CD200R1: variants seen among roughly 807,000 people sequenced by gnomAD.
CD200R1 encodes the protein cell surface glycoprotein CD200 receptor 1.
CD200R1 carries 30 observed loss-of-function variants against 38.1 expected under a neutral mutation model. That is an observed-to-expected ratio of 0.79 (90% CI 0.59 to 1.07). The LOEUF (loss-of-function observed/expected upper bound fraction) is 1.07. Ranked by LOEUF, CD200R1 falls within the 50% of genes least tolerant of loss-of-function variation. CD200R1 has a pLI of 0.00. For synonymous variants in CD200R1, 128 were observed against 152.1 expected, an observed-to-expected ratio of 0.84 and a Z score of 1.16; for missense variants, 372 against 415.4, an observed-to-expected ratio of 0.90 and a Z score of 0.91.
intron 1 of CD200R1, among the ~76,000 whole-genome samples, chr3:112,963,239 C>A (rs566501169): frequency 1.3e-5 from 2 of 152,204 alleles, no homozygotes; most frequent in South Asian, 2.1e-4. Context: ...CAAATTGGTA[C>A]CAGAAGAGTG....
In CD200R1 at chr3:112,974,793, GC is replaced by G. The variant is rs778465315; in HGVS notation, c.64del (p.Ala22ProfsTer13). 3.7e-6 allele frequency: 6 copies of G among 1,602,706 alleles called. No individual in the cohort carries two copies. The highest frequency in any genetic ancestry group is 5.1e-6 in the Non-Finnish European group (6 of 1,169,862). ...TCCCAAAGAGAATTCAAACTTACCG[GC>G]CACTAAGAAGATAGTCAAAATCAAC... Reference protein sequence around the residue: ...LLLILTIFLVAEAEGAAQPNN... With the variant: ...LLLILTIFLVXEAEGAAQPNN... On this transcript the variant is annotated frameshift_variant, in exon 1 of 8. Transcript: ENST00000308611. LOFTEE classifies it high-confidence loss of function.
At chr3:112,929,635 C>A (rs572501746) in intron 3 of CD200R1, 128 bp from the exon 4 acceptor site, 3 of 830,980 alleles carry the variant, frequency 3.6e-6, no homozygotes, top group East Asian at 2.8e-5. Context: ...AAATATTAGA[C>A]CTTCATAAAA....
At chr3:112,972,618 A>C (rs1000521311) in intron 1 of CD200R1, among the ~76,000 whole-genome samples, 8 of 152,174 alleles carry the variant, frequency 5.3e-5, no homozygotes, top group African/African-American at 1.9e-4. Flanking sequence ...AAGGCTGGGA[A>C]TATAGCTCTG....
intron 2 of CD200R1, among the ~76,000 whole-genome samples, chr3:112,933,305 C>A (rs1426698256): frequency 6.6e-6 from 1 of 152,158 alleles, no homozygotes; most frequent in East Asian, 1.9e-4. Context: ...CCCATAGTCC[C>A]AAACCCAGCA....
At chr3:112,963,298 T>C (rs7612243) in intron 1 of CD200R1, among the ~76,000 whole-genome samples, 77 of 152,222 alleles carry the variant, frequency 5.1e-4, no homozygotes, top group African/African-American at 1.7e-3. Context: ...CTTTGGAGGG[T>C]AGCAGGTAGA....
chr3:112,929,322 A>G lies in CD200R1; in HGVS notation c.388T>C (p.Trp130Arg). The G allele has an allele frequency of 1.9e-6, 3 of 1,614,164 alleles. No individual in the cohort carries two copies. Among genetic ancestry groups the G allele is most frequent in the Non-Finnish European group, 2.5e-6 (3 of 1,179,990 alleles). Residue 130 changes from tryptophan to arginine, a missense_variant, in exon 4 of 8, where the codon TGG (tryptophan) becomes CGG (arginine). Physicochemically the swap from Trp to Arg is moderately radical, Grantham distance 101 (BLOSUM62 -3). Coordinates refer to ENST00000308611, the MANE Select transcript of CD200R1 (RefSeq NM_138806.4). ...GAATTCTGATCAGGTCTGGAGACCC[A>G]GGTTATTCTCTCATCAGTACAGTTG... is the stretch of plus-strand genomic sequence containing the variant. The part of the protein sequence containing the change: ...ETNCTDERIT[W>R]VSRPDQNSDL...
At chr3:112,939,256 T>C (rs1940660223) in intron 2 of CD200R1, among the ~76,000 whole-genome samples, 1 of 151,974 alleles carries the variant, frequency 6.6e-6, no homozygotes. Flanking sequence ...TTCAAGATAG[T>C]ACTGGAAGTC....
intron 1 of CD200R1, among the ~76,000 whole-genome samples, chr3:112,960,986 GA>G (rs1224758465): frequency 6.6e-6 from 1 of 151,974 alleles, no homozygotes; most frequent in East Asian, 1.9e-4. Flanking sequence ...GACACTTTAT[GA>G]AACTGATTTT....
rs550315466 is a variant in CD200R1 at position 112,962,268 on chromosome 3, G to A, written c.67+12523C>T. On this transcript the variant is annotated intron_variant, in intron 1 of 7. Coordinates refer to ENST00000308611, the MANE Select transcript of CD200R1 (RefSeq NM_138806.4). Reference sequence around the variant, plus strand: ...CAAACATGTTCCCTAACCTAAGGCAGATGTTGTGTAAATGTGTATCACTGA... The same window carrying A: ...CAAACATGTTCCCTAACCTAAGGCAAATGTTGTGTAAATGTGTATCACTGA... 5.9e-5 allele frequency among the ~76,000 whole-genome samples: 9 copies of A among 152,238 alleles called. No individual in the cohort carries two copies. In the East Asian group the frequency reaches 1.7e-3, roughly 29 times the overall value.
At chr3:112,947,347 G>T (rs1018127654) in intron 2 of CD200R1, among the ~76,000 whole-genome samples, 8 of 152,090 alleles carry the variant, frequency 5.3e-5, no homozygotes, top group Non-Finnish European at 1.2e-4. Flanking sequence ...CTCTAGTCAG[G>T]TATGTTGATA....
chr3:112,931,790 T>G (rs1940447234), intron 2 of CD200R1, among the ~76,000 whole-genome samples: 1 of 151,990 alleles, frequency 6.6e-6, no homozygotes, highest in African/African-American at 2.4e-5. Context: ...CAGCTAAGAT[T>G]CTACTGGAGT....
chr3:112,938,869 T>C (rs182814045), intron 2 of CD200R1, among the ~76,000 whole-genome samples: 13 of 152,056 alleles, frequency 8.5e-5, no homozygotes, highest in Admixed American at 2.0e-4. Flanking sequence ...TAAACATATA[T>C]ATAAAATACT....
chr3:112,928,916 A>C lies in CD200R1; in HGVS notation c.669T>G (p.Val223=). ...GGACCTCCCAGTGGCATGTACTCTT[A>C]ACAGTCACTGTGCCATTGCTCCAGT... ...QEYWSNGTVT[V]KSTCHWEVHN... The change falls in exon 5 of 8, where the codon GTT becomes GTG. Residue 223 remains valine, a synonymous_variant. Coordinates refer to ENST00000308611, the MANE Select transcript of CD200R1 (RefSeq NM_138806.4). 6.2e-7 allele frequency: 1 copy of C among 1,613,966 alleles called. No homozygotes were observed. Among genetic ancestry groups the C allele is most frequent in the Non-Finnish European group, 8.5e-7 (1 of 1,179,968 alleles).
intron 1 of CD200R1, among the ~76,000 whole-genome samples, chr3:112,967,936 A>C (rs1404207604): frequency 6.6e-6 from 1 of 152,234 alleles, no homozygotes; most frequent in East Asian, 1.9e-4. Flanking sequence ...AAAATGAAAG[A>C]TTTTTAATTT....
At chr3:112,932,875 C>T (rs957685364) in intron 2 of CD200R1, among the ~76,000 whole-genome samples, 2 of 152,098 alleles carry the variant, frequency 1.3e-5, no homozygotes, top group Non-Finnish European at 2.9e-5. Flanking sequence ...CAAGTGGCCC[C>T]GTGCCTGTAA....
At chr3:112,955,877 C>T (rs1941087575) in intron 1 of CD200R1, among the ~76,000 whole-genome samples, 1 of 150,922 alleles carries the variant, frequency 6.6e-6, no homozygotes, top group Non-Finnish European at 1.5e-5. Context: ...CTTCTAGGTA[C>T]ATTTGAGCCC....
rs2107297429 is a variant in CD200R1, at chr3:112,922,756, A to T, written c.*921T>A. The T allele has an allele frequency of 6.6e-6, 1 of 152,102 alleles. No individual in the cohort carries two copies. 9.4% of individuals were successfully genotyped at this position (152,102 alleles called of 1,614,324 possible). A position where few individuals can be genotyped will look rare whatever the true frequency, so the allele number is the denominator to read the frequency against. On this transcript the variant is annotated 3_prime_UTR_variant, in exon 8 of 8. Coordinates refer to ENST00000308611, the MANE Select transcript of CD200R1 (RefSeq NM_138806.4). Reference sequence around the variant, plus strand: ...TCTCACATCATATTTAATCTGGTTGATTAAAAAGAGAAAGTGGCAACTGTA... The same window carrying T: ...TCTCACATCATATTTAATCTGGTTGTTTAAAAAGAGAAAGTGGCAACTGTA...
intron 5 of CD200R1, among the ~76,000 whole-genome samples, chr3:112,926,143 A>T (rs1256501411): frequency 6.6e-6 from 1 of 152,190 alleles, no homozygotes. Context: ...ACACAGCAGG[A>T]ACTTTATTTA....
rs375760165 is a variant in CD200R1, at chr3:112,947,836, T to A, written c.136+20A>T. ...TCAAGCACTCCCCTACTAGAATTAT[T>A]GTTAAAAGATGCACATTACCTAAAG... is the stretch of plus-strand genomic sequence containing the variant. On this transcript the variant is annotated intron_variant, in intron 2 of 7. Coordinates refer to ENST00000308611, the MANE Select transcript of CD200R1 (RefSeq NM_138806.4). 9.6e-5 allele frequency: 150 copies of A among 1,560,436 alleles called. 1 individual carries two copies. In the South Asian group the frequency reaches 1.1e-3, roughly 11 times the overall value.
Sources: gnomAD v4.1 joint callset for allele counts (sites outside exome capture counted in the v4.1 genomes callset) on GRCh38, gnomAD v4.1.1 for gene constraint, MANE v1.5 for transcripts, NCBI Gene and HGNC (gene_info 2026-07-23, HGNC 2026-07-21) for gene names.